Variants in ZNF138 observed in about 807,000 individuals in gnomAD.
The protein encoded by ZNF138 is zinc finger protein 138 (clone pHZ-32).
ZNF138 carries 33 observed loss-of-function variants against 33.0 expected under a neutral mutation model. The ratio of observed to expected loss-of-function variants is 1.00; its 90% CI spans 0.76 to 1.34. ZNF138 has a LOEUF of 1.34. Among genes scored for constraint, ZNF138 ranks in the 40% most tolerant of loss-of-function variants. The pLI is 0.00. For synonymous variants in ZNF138, 139 were observed against 120.4 expected, an observed-to-expected ratio of 1.15 and a Z score of -1.01; for missense variants, 360 against 370.8, an observed-to-expected ratio of 0.97 and a Z score of 0.24.
At chr7:64,822,066 C>T (rs576346779) in intron 3 of ZNF138, among the ~76,000 whole-genome samples, 2 of 150,350 alleles carry the variant, frequency 1.3e-5, no homozygotes, top group South Asian at 2.1e-4. Context: ...CCACAGGTGA[C>T]CACCACCACG....
At position 64,833,044 on chromosome 7, in the gene ZNF138, CACTT is replaced by C; in HGVS notation, c.*846_*849del. ...GGCAAAGCTTTTAACCAAGTCTCAA[CACTT>C]ACTATACATAAGATAATTTATACTG... On this transcript the variant is annotated 3_prime_UTR_variant, in exon 4 of 4. Coordinates refer to ENST00000307355, the MANE Select transcript of ZNF138 (RefSeq NM_001271639.2). The C allele has an allele frequency of 2.5e-6, 1 of 401,764 alleles. No homozygotes were observed. The highest frequency in any genetic ancestry group is 5.0e-6 in the Non-Finnish European group (1 of 198,884). 24.9% of individuals were successfully genotyped at this position (401,764 alleles called of 1,614,324 possible).
chr7:64,859,482 T>C, the ZNF138 span, among the ~76,000 whole-genome samples: 54 of 152,356 alleles, frequency 3.5e-4, no homozygotes, highest in African/African-American at 1.3e-3. Flanking sequence ...AGTTGGCTTA[T>C]TAAGGGACTA....
intron 1 of ZNF138, among the ~76,000 whole-genome samples, chr7:64,812,690 G>A (rs544017076): frequency 2.2e-4 from 33 of 152,076 alleles, no homozygotes; most frequent in Non-Finnish European, 4.0e-4. Flanking sequence ...TTTTTCTGTA[G>A]GTCTTGGTTC....
chr7:64,797,578 C>G (rs1233396566), intron 1 of ZNF138, among the ~76,000 whole-genome samples: 1 of 152,128 alleles, frequency 6.6e-6, no homozygotes, highest in Admixed American at 6.5e-5. Context: ...ATGTCGGAGC[C>G]TGCTCACCCC....
At chr7:64,796,858 C>T (rs1206166401) in intron 1 of ZNF138, among the ~76,000 whole-genome samples, 3 of 152,186 alleles carry the variant, frequency 2.0e-5, no homozygotes, top group African/African-American at 7.2e-5. Context: ...GCCTGGCCAA[C>T]ATGGTGAAAC....
chr7:64,830,708 T>G (rs1790012478), intron 3 of ZNF138, among the ~76,000 whole-genome samples: 1 of 152,202 alleles, frequency 6.6e-6, no homozygotes, highest in Non-Finnish European at 1.5e-5. Flanking sequence ...GTATACATTG[T>G]AATCTTCAAT....
chr7:64,848,939 C>T, the ZNF138 span, among the ~76,000 whole-genome samples: 3 of 152,006 alleles, frequency 2.0e-5, 1 homozygote, highest in South Asian at 4.2e-4. Context: ...CTCCTGACCT[C>T]GTGATCTGCC....
chr7:64,853,479 A>T, the ZNF138 span: 2 of 508,362 alleles, frequency 3.9e-6, no homozygotes, highest in Non-Finnish European at 7.0e-6. Flanking sequence ...TATATATGAG[A>T]TCATGTAGTA....
intron 1 of ZNF138, among the ~76,000 whole-genome samples, chr7:64,813,748 T>A (rs897187914): frequency 2.6e-5 from 4 of 152,120 alleles, no homozygotes; most frequent in Non-Finnish European, 5.9e-5. Flanking sequence ...GATTTTTTTT[T>A]ATGGTTACAT....
Position 64,830,930 on chromosome 7 carries a change from C to G in ZNF138, c.209-521C>G. On this transcript the variant is annotated intron_variant, in intron 3 of 3. Transcript: ENST00000307355. ...GTCACTTGCTACAACTGTTCCCTGT[C>G]TCTTTGCAGCTGTAGCATTTACCTT... is the stretch of plus-strand genomic sequence containing the variant. 3.9e-6 allele frequency: 6 copies of G among 1,548,816 alleles called. No individual in the cohort carries two copies. In the South Asian group the frequency reaches 7.2e-5, roughly 19 times the overall value.
chr7:64,844,129 A>T, the ZNF138 span, among the ~76,000 whole-genome samples: 7 of 152,092 alleles, frequency 4.6e-5, no homozygotes, highest in East Asian at 1.9e-4. Context: ...GCCAAGGTTA[A>T]GTTTTTAAAA....
Position 64,832,516 on chromosome 7 carries a change from G to T in ZNF138, c.*314G>T. 1.1e-6 allele frequency: 1 copy of T among 898,308 alleles called. No individual in the cohort carries two copies. Among genetic ancestry groups the T allele is most frequent in the Non-Finnish European group, 1.6e-6 (1 of 629,478 alleles). The allele number at this position is 898,308 out of a possible 1,614,324, so 55.6% of individuals were successfully genotyped here. On this transcript the variant is annotated 3_prime_UTR_variant, in exon 4 of 4. Coordinates refer to ENST00000307355, the MANE Select transcript of ZNF138 (RefSeq NM_001271639.2). ...AAACCCCACAAATGTGGAGAATGCG[G>T]AAAAGCCTTTAACTGGTCCTCAACT...
downstream of ZNF138, among the ~76,000 whole-genome samples, chr7:64,834,191 G>A (rs140635210): frequency 3.6e-3 from 553 of 151,978 alleles, 9 homozygotes; most frequent in African/African-American, 0.013. Context: ...AATTTATATC[G>A]GAGAAAAACT....
chr7:64,835,733 G>C (rs1790348366), downstream of ZNF138: 1 of 152,228 alleles, frequency 6.6e-6, no homozygotes, highest in Non-Finnish European at 1.5e-5. Flanking sequence ...TGTCGCTGTA[G>C]GGAGGCCAGG....
intron 3 of ZNF138, among the ~76,000 whole-genome samples, chr7:64,816,811 C>T (rs1788673258): frequency 6.6e-6 from 1 of 152,138 alleles, no homozygotes; most frequent in Admixed American, 6.5e-5. Flanking sequence ...ATCCTGGTTT[C>T]AGGAGGTAAA....
chr7:64,845,872 T>C, the ZNF138 span, among the ~76,000 whole-genome samples: 4 of 152,208 alleles, frequency 2.6e-5, no homozygotes, highest in African/African-American at 4.8e-5. Flanking sequence ...CTCTGGGTTT[T>C]TGTTTATAGT....
downstream of ZNF138, among the ~76,000 whole-genome samples, chr7:64,834,728 C>T (rs1790312176): frequency 2.0e-5 from 3 of 152,072 alleles, no homozygotes; most frequent in South Asian, 2.1e-4. Flanking sequence ...TGACAAAAGT[C>T]TAAGTGGAGA....
rs755359039 is a variant in ZNF138, at chr7:64,815,642, C to G, written c.197C>G (p.Ala66Gly). ...WNMKRHEMVV[A>G]KHSALCSRFA... ...ATGAAGAGACATGAGATGGTGGTAG[C>G]CAAACATTCAGGTAGGTGAGAGTGA... is the stretch of plus-strand genomic sequence containing the variant. The change falls in exon 3 of 4, where the codon GCC becomes GGC. Residue 66 changes from alanine (A) to glycine (G), a missense_variant. Coordinates refer to ENST00000307355, the MANE Select transcript of ZNF138 (RefSeq NM_001271639.2). 5.0e-6 allele frequency: 8 copies of G among 1,611,056 alleles called. No homozygotes were observed. The highest frequency in any genetic ancestry group is 2.7e-5 in the African/African-American group (2 of 74,804).
chr7:64,830,282 T>C (rs1789979144), intron 3 of ZNF138, among the ~76,000 whole-genome samples: 1 of 152,050 alleles, frequency 6.6e-6, no homozygotes, highest in African/African-American at 2.4e-5. Context: ...AGCCTTTTCA[T>C]TTTTACATCA....
Sources: gnomAD v4.1 joint callset for allele counts (sites outside exome capture counted in the v4.1 genomes callset) on GRCh38, gnomAD v4.1.1 for gene constraint, MANE v1.5 for transcripts, NCBI Gene and HGNC (gene_info 2026-07-23, HGNC 2026-07-21) for gene names.